PCSK5: variants seen among roughly 807,000 people sequenced by gnomAD.
The protein encoded by PCSK5 is proprotein convertase subtilisin/kexin type 5, also known as prohormone convertase 5.
Under a neutral mutation model 233.2 loss-of-function variants are expected in PCSK5, and 129 were observed. That is an observed-to-expected ratio of 0.55 (90% CI 0.48 to 0.64). The LOEUF (loss-of-function observed/expected upper bound fraction) is 0.64, where lower values mean the gene tolerates loss of function less well. Among genes scored for constraint, PCSK5 ranks in the 30% least tolerant of loss-of-function variants. The pLI, the probability that PCSK5 is intolerant of heterozygous loss-of-function variation, is 0.00. For synonymous variants in PCSK5, 825 were observed against 879.2 expected (o/e 0.94, Z 1.09); for missense variants, 2,076 against 2,430.1 (o/e 0.85, Z 3.06).
intron 2 of PCSK5, among the ~76,000 whole-genome samples, chr9:75,969,436 A>T (rs1563945265): frequency 6.6e-6 from 1 of 152,288 alleles, no homozygotes; most frequent in East Asian, 1.9e-4. Context: ...TCTTGGAGGC[A>T]CTTCCCTGGA....
At chr9:76,318,817 A>G (rs997959228) in intron 30 of PCSK5, among the ~76,000 whole-genome samples, 2 of 152,230 alleles carry the variant, frequency 1.3e-5, no homozygotes, top group African/African-American at 4.8e-5. Context: ...TTTATTGTTT[A>G]TTAAATGTTT....
intron 5 of PCSK5, among the ~76,000 whole-genome samples, chr9:76,046,134 A>G (rs1829360849): frequency 6.9e-6 from 1 of 145,402 alleles, no homozygotes; most frequent in Non-Finnish European, 1.5e-5. Context: ...TAACTTTAGT[A>G]GCATTAACAC....
intron 28 of PCSK5, among the ~76,000 whole-genome samples, chr9:76,303,865 T>G (rs902314683): frequency 1.3e-5 from 2 of 152,186 alleles, no homozygotes; most frequent in African/African-American, 4.8e-5. Flanking sequence ...TCATCAGCTT[T>G]AATTAGTGTA....
At chr9:75,932,279 G>A (rs1412423476) in intron 1 of PCSK5, 100 bp from the exon 2 acceptor site, 1 of 725,978 alleles carries the variant, frequency 1.4e-6, no homozygotes, top group Non-Finnish European at 2.4e-6. Context: ...GACCTTTTTT[G>A]TTTTGTGTTC....
In PCSK5 at chr9:76,341,035, C is replaced by A. The variant is rs961885372; in HGVS notation, c.4966+2588C>A. Among the ~76,000 whole-genome samples, 4 of 146,254 alleles carry A rather than the reference C, an allele frequency of 2.7e-5. No homozygotes were observed. In the South Asian group the frequency reaches 8.9e-4, roughly 33 times the overall value. On this transcript the variant is annotated intron_variant, in intron 35 of 37. Coordinates refer to ENST00000674117, the MANE Select transcript of PCSK5 (RefSeq NM_001372043.1). ...TTCGAGACCAGCCTGGGCAACTTGG[C>A]GAAATCCTGTTTCTACAGAAAAAAA...
At chr9:76,256,463 C>CCTT (rs1410145332) in intron 24 of PCSK5, among the ~76,000 whole-genome samples, 1 of 152,130 alleles carries the variant, frequency 6.6e-6, no homozygotes, top group Non-Finnish European at 1.5e-5. Flanking sequence ...TTCAGAAGAC[C>CCTT]GTCTGCCAGT....
chr9:75,999,246 T>C (rs533709274), intron 3 of PCSK5, among the ~76,000 whole-genome samples: 123 of 152,152 alleles, frequency 8.1e-4, no homozygotes, highest in African/African-American at 2.8e-3. Flanking sequence ...GTGTGTGATG[T>C]TCCCCTCCCT....
At chr9:75,944,184 A>ATAT (rs1554663520) in intron 2 of PCSK5, among the ~76,000 whole-genome samples, 14 of 149,552 alleles carry the variant, frequency 9.4e-5, no homozygotes, top group South Asian at 6.3e-4. Flanking sequence ...AAAGAAAAAA[A>ATAT]ATATATATAT....
intron 2 of PCSK5, among the ~76,000 whole-genome samples, chr9:75,980,835 G>C (rs1017912209): frequency 6.6e-6 from 1 of 151,532 alleles, no homozygotes; most frequent in African/African-American, 2.4e-5. Flanking sequence ...GGACTTTAGA[G>C]CTTCTTGGAG....
At chr9:76,133,465 G>A (rs12351789) in intron 9 of PCSK5, among the ~76,000 whole-genome samples, 14,820 of 151,966 alleles carry the variant, frequency 0.098, 1,183 homozygotes, top group African/African-American at 0.22. Flanking sequence ...ATAAGAACTA[G>A]GTGTCTAATA....
At chr9:76,159,816 C>CT (rs386415165) in intron 12 of PCSK5, among the ~76,000 whole-genome samples, 4,446 of 97,594 alleles carry the variant, frequency 0.046, 215 homozygotes, top group African/African-American at 0.08. Flanking sequence ...CTCTTCAGTC[C>CT]TTTTTTTTTT....
chr9:76,029,471 C>A (rs746480277), intron 5 of PCSK5, among the ~76,000 whole-genome samples: 2 of 152,100 alleles, frequency 1.3e-5, no homozygotes, highest in Non-Finnish European at 2.9e-5. Flanking sequence ...TTTATTAAAA[C>A]AAATCATGAT....
At chr9:76,282,149 G>C (rs147401661) in intron 24 of PCSK5, among the ~76,000 whole-genome samples, 1 of 10,202 alleles carries the variant, frequency 9.8e-5, no homozygotes, top group Non-Finnish European at 4.1e-4. Flanking sequence ...TTTTTTTTTC[G>C]CTCTGTTGCC....
intron 24 of PCSK5, among the ~76,000 whole-genome samples, chr9:76,290,986 G>T (rs72740933): frequency 0.16 from 24,188 of 152,174 alleles, 1,981 homozygotes; most frequent in South Asian, 0.2. Context: ...AAGTTCACAA[G>T]ATAATTAAGC....
At chr9:76,226,002 T>TCTC (rs1187325503) in intron 20 of PCSK5, among the ~76,000 whole-genome samples, 29 of 152,248 alleles carry the variant, frequency 1.9e-4, no homozygotes, top group African/African-American at 6.5e-4. Flanking sequence ...TGGGCCTAGG[T>TCTC]CTCCTGGGAA....
chr9:76,161,219 A>G (rs763308143), intron 12 of PCSK5, among the ~76,000 whole-genome samples: 28 of 152,350 alleles, frequency 1.8e-4, no homozygotes, highest in Non-Finnish European at 2.2e-4. Flanking sequence ...AAGTGTATGC[A>G]GGTGCAAGGA....
In PCSK5 at chr9:76,096,088, T is replaced by C; in HGVS notation, c.1093T>C (p.Tyr365His). ...CACAACCTACAGCAGCGGGGAGTCCTACGATAAGAAAATCGTACGTGACAT... is the reference window on the plus strand; with the variant it reads ...CACAACCTACAGCAGCGGGGAGTCCCACGATAAGAAAATCGTACGTGACAT... ...LATTYSSGES[Y>H]DKKIITTDLR... Residue 365 changes from tyrosine to histidine, a missense_variant, in exon 8 of 38, where the codon TAC (tyrosine) becomes CAC (histidine). Tyr to His is a moderately conservative substitution (Grantham distance 83). Around this residue, in one of 6 missense-constraint regions of PCSK5, gnomAD observed 178 missense variants for 393.6 expected, o/e 0.45. Transcript: ENST00000674117. 1 of 1,613,278 alleles carries C rather than the reference T, an allele frequency of 6.2e-7. No homozygotes were observed. Among genetic ancestry groups the C allele is most frequent in the Non-Finnish European group, 8.5e-7 (1 of 1,179,358 alleles).
At chr9:75,946,933 T>C (rs1229164049) in intron 2 of PCSK5, among the ~76,000 whole-genome samples, 2 of 152,230 alleles carry the variant, frequency 1.3e-5, no homozygotes, top group Non-Finnish European at 2.9e-5. Flanking sequence ...CCCCAGATAC[T>C]GTTTTGCCTT....
Position 76,233,495 on chromosome 9 carries a change from C to T in PCSK5, c.2765C>T (p.Pro922Leu). Residue 922 changes from proline (P) to leucine (L), a missense_variant, in exon 22 of 38, where the codon CCC becomes CTC. Around this residue, in one of 6 missense-constraint regions of PCSK5, gnomAD observed 1,510 missense variants for 1,538.1 expected, o/e 0.98. Coordinates refer to ENST00000674117, the MANE Select transcript of PCSK5 (RefSeq NM_001372043.1). Reference sequence around the variant, plus strand: ...GATGGCCGCTGTGTTTCGAACTGCCCCTCATGGAAATTTGAATTTGAGAAC... The same window carrying T: ...GATGGCCGCTGTGTTTCGAACTGCCTCTCATGGAAATTTGAATTTGAGAAC... The part of the protein sequence containing the change: ...FDDGRCVSNC[P>L]SWKFEFENQC... The T allele has an allele frequency of 6.2e-7, 1 of 1,612,718 alleles. No individual in the cohort carries two copies. Among genetic ancestry groups the T allele is most frequent in the Non-Finnish European group, 8.5e-7 (1 of 1,179,800 alleles).
Sources: gnomAD v4.1 joint callset for allele counts (sites outside exome capture counted in the v4.1 genomes callset) on GRCh38, gnomAD v4.1.1 for gene constraint, gnomAD v4.1.1 regional missense constraint, MANE v1.5 for transcripts, NCBI Gene and HGNC (gene_info 2026-07-23, HGNC 2026-07-21) for gene names.